Variants in GRIA1 observed in about 807,000 individuals in gnomAD.
GRIA1 encodes the protein glutamate ionotropic receptor AMPA type subunit 1.
Under a neutral mutation model 99.2 loss-of-function variants are expected in GRIA1, and 31 were observed. The ratio of observed to expected loss-of-function variants is 0.31; its 90% confidence interval spans 0.23 to 0.42. The LOEUF is 0.42. Ranked by LOEUF, GRIA1 falls within the 10% of genes least tolerant of loss-of-function variation. GRIA1 has a pLI of 1.00. For synonymous variants in GRIA1, 438 were observed against 432.4 expected (o/e 1.01, Z -0.16); for missense variants, 782 against 1,157.5 (o/e 0.68, Z 4.71).
chr5:153,800,888 C>A (rs1765972475), intron 14 of GRIA1, among the ~76,000 whole-genome samples: 1 of 152,110 alleles, frequency 6.6e-6, no homozygotes. Flanking sequence ...GGCTCACCTA[C>A]TTCCCCACCT....
chr5:153,696,730 C>G (rs981342702), intron 8 of GRIA1, among the ~76,000 whole-genome samples: 2 of 152,146 alleles, frequency 1.3e-5, no homozygotes, highest in African/African-American at 4.8e-5. Context: ...ACTTCTAGTT[C>G]TCTTTCCTTT....
intron 13 of GRIA1, among the ~76,000 whole-genome samples, chr5:153,782,463 C>A (rs1351070344): frequency 2.0e-5 from 3 of 152,138 alleles, no homozygotes; most frequent in African/African-American, 7.2e-5. Flanking sequence ...AATGTTGTCA[C>A]ATATTCTCAT....
intron 2 of GRIA1, among the ~76,000 whole-genome samples, chr5:153,565,879 T>C (rs1037420696): frequency 6.6e-6 from 1 of 152,176 alleles, no homozygotes; most frequent in Non-Finnish European, 1.5e-5. Flanking sequence ...TATTAGTTGA[T>C]AGACATTTGA....
intron 11 of GRIA1, among the ~76,000 whole-genome samples, chr5:153,708,087 A>G (rs1422651911): frequency 6.6e-6 from 1 of 152,086 alleles, no homozygotes; most frequent in African/African-American, 2.4e-5. Flanking sequence ...TTTTCACAGA[A>G]CCTTTATGCT....
Position 153,776,004 on chromosome 5 carries a change from G to A in GRIA1, c.2270+5589G>A, listed in dbSNP as rs146827693. 6.0e-3 allele frequency among the ~76,000 whole-genome samples: 921 copies of A among 152,252 alleles called. 10 individuals are homozygous for A. The highest frequency in any genetic ancestry group is 0.021 in the African/African-American group (880 of 41,556). On this transcript the variant is annotated intron_variant, in intron 13 of 15. Coordinates refer to ENST00000285900, the MANE Select transcript of GRIA1 (RefSeq NM_000827.4). ...GAGTGATTGGCTGCGGTCATATTGT[G>A]AAGAATCTCAAATGTCTCTGCATGT...
chr5:153,590,433 C>A (rs371142589), intron 2 of GRIA1, among the ~76,000 whole-genome samples: 1 of 151,516 alleles, frequency 6.6e-6, no homozygotes, highest in Admixed American at 6.6e-5. Flanking sequence ...AAAATCAAGA[C>A]TGAGAGACCG....
At chr5:153,771,234 C>T (rs537426671) in intron 13 of GRIA1, among the ~76,000 whole-genome samples, 122 of 152,268 alleles carry the variant, frequency 8.0e-4, no homozygotes, top group African/African-American at 2.9e-3. Flanking sequence ...TTGAAGGTCA[C>T]TGAAAACAGT....
At chr5:153,498,723 C>T (rs1301805640) in intron 2 of GRIA1, among the ~76,000 whole-genome samples, 1 of 152,080 alleles carries the variant, frequency 6.6e-6, no homozygotes, top group Non-Finnish European at 1.5e-5. Context: ...ATCCAGATTT[C>T]TGGCATCTTT....
At chr5:153,576,976 GGA>G (rs1762590840) in intron 2 of GRIA1, among the ~76,000 whole-genome samples, 2 of 145,354 alleles carry the variant, frequency 1.4e-5, no homozygotes, top group Non-Finnish European at 3.0e-5. Context: ...ATGGATGGAT[GGA>G]TGGATGGGTG....
At chr5:153,572,197 T>C (rs1192736688) in intron 2 of GRIA1, among the ~76,000 whole-genome samples, 1 of 152,170 alleles carries the variant, frequency 6.6e-6, no homozygotes, top group Non-Finnish European at 1.5e-5. Context: ...TTTATTCACT[T>C]CCATTGTCAA....
chr5:153,670,279 C>A (rs1309940159), intron 5 of GRIA1, among the ~76,000 whole-genome samples: 1 of 152,146 alleles, frequency 6.6e-6, no homozygotes, highest in East Asian at 1.9e-4. Context: ...TCACTCATCA[C>A]CAAGCTTCAC....
At chr5:153,617,482 C>T (rs1471778097) in intron 2 of GRIA1, among the ~76,000 whole-genome samples, 2 of 152,306 alleles carry the variant, frequency 1.3e-5, no homozygotes, top group Admixed American at 6.5e-5. Flanking sequence ...ATGGGACAAA[C>T]GTTGGCTCTC....
chr5:153,599,079 T>A (rs1764668130), intron 2 of GRIA1, among the ~76,000 whole-genome samples: 1 of 152,162 alleles, frequency 6.6e-6, no homozygotes, highest in African/African-American at 2.4e-5. Context: ...AGATGGGGTT[T>A]CACCCTGTTA....
chr5:153,492,858 C>T (rs1754057382), intron 1 of GRIA1, among the ~76,000 whole-genome samples: 1 of 151,990 alleles, frequency 6.6e-6, no homozygotes, highest in South Asian at 2.1e-4. Context: ...TCAGGTAGTA[C>T]TTGATTCTAT....
chr5:153,677,470 C>G (rs1402297426), intron 7 of GRIA1, among the ~76,000 whole-genome samples: 8 of 152,148 alleles, frequency 5.3e-5, no homozygotes, highest in Non-Finnish European at 1.2e-4. Context: ...TGAAACTGAA[C>G]CATGTTAATG....
chr5:153,738,701 G>A (rs183142468), intron 11 of GRIA1, among the ~76,000 whole-genome samples: 11 of 142,168 alleles, frequency 7.7e-5, no homozygotes, highest in Admixed American at 2.8e-4. Context: ...ATAATGTTGC[G>A]TGTTCATCTC....
chr5:153,629,607 C>G (rs1009909837), intron 2 of GRIA1, among the ~76,000 whole-genome samples: 43 of 152,224 alleles, frequency 2.8e-4, no homozygotes, highest in African/African-American at 9.6e-4. Flanking sequence ...TCCGTGTACA[C>G]ACACTTGGGA....
intron 1 of GRIA1, chr5:153,492,207 C>T (rs1480698062): frequency 1.3e-6 from 2 of 1,533,078 alleles, no homozygotes; most frequent in Non-Finnish European, 1.7e-6. Flanking sequence ...ACATGTGCTG[C>T]AGTACCCATC....
intron 11 of GRIA1, among the ~76,000 whole-genome samples, chr5:153,749,820 C>T (rs974187184): frequency 1.3e-5 from 2 of 152,104 alleles, no homozygotes; most frequent in African/African-American, 2.4e-5. Context: ...CCACACTACA[C>T]TCCCATAGCC....
Sources: gnomAD v4.1 joint callset for allele counts (sites outside exome capture counted in the v4.1 genomes callset) on GRCh38, gnomAD v4.1.1 for gene constraint, MANE v1.5 for transcripts, NCBI Gene and HGNC (gene_info 2026-07-23, HGNC 2026-07-21) for gene names.